NALF1: variants seen among roughly 807,000 people sequenced by gnomAD.
The protein encoded by NALF1 is NALCN channel auxiliary factor 1.
Under a neutral mutation model 48.4 loss-of-function variants are expected in NALF1, and 3 were observed. That is an observed-to-expected ratio of 0.06 (90% CI 0.03 to 0.16). NALF1 has a LOEUF of 0.16. Among genes scored for constraint, NALF1 ranks in the 10% least tolerant of loss-of-function variants. The probability of loss-of-function intolerance (pLI) is 1.00; values close to 1 mark genes in which losing one functional copy is unlikely to be tolerated. For synonymous variants in NALF1, 262 were observed against 245.7 expected (o/e 1.07, Z -0.62); for missense variants, 526 against 571.5 (o/e 0.92, Z 0.81).
At chr13:107,336,427 A>T (rs1310113558) in intron 1 of NALF1, among the ~76,000 whole-genome samples, 1 of 151,980 alleles carries the variant, frequency 6.6e-6, no homozygotes, top group Non-Finnish European at 1.5e-5. Flanking sequence ...GAAAAATTAC[A>T]TTTCAGGAGC....
At chr13:107,613,495 C>G (rs1322142312) in intron 1 of NALF1, among the ~76,000 whole-genome samples, 1 of 152,160 alleles carries the variant, frequency 6.6e-6, no homozygotes, top group Non-Finnish European at 1.5e-5. Flanking sequence ...AACCAATTTA[C>G]TATCAAAATG....
chr13:107,507,264 GTAGGTAACTGAAGGT>G (rs1461828190), intron 1 of NALF1, among the ~76,000 whole-genome samples: 6 of 152,174 alleles, frequency 3.9e-5, no homozygotes, highest in Non-Finnish European at 4.4e-5. Flanking sequence ...CTACAGGTTT[GTAGGTAACTGAAGGT>G]TTTTAACTAT....
intron 1 of NALF1, among the ~76,000 whole-genome samples, chr13:107,737,203 G>A (rs376623457): frequency 4.8e-4 from 73 of 152,244 alleles, no homozygotes; most frequent in South Asian, 3.1e-3. Context: ...ATAATTTCCA[G>A]TATTTTATGA....
chr13:107,358,166 A>G (rs9559017), intron 1 of NALF1, among the ~76,000 whole-genome samples: 29,186 of 121,672 alleles, frequency 0.24, 2,967 homozygotes, highest in East Asian at 0.48. Flanking sequence ...TATACGTAAC[A>G]TATGTGTGTG....
chr13:107,237,907 C>T (rs1880386658), intron 1 of NALF1, among the ~76,000 whole-genome samples: 1 of 152,164 alleles, frequency 6.6e-6, no homozygotes, highest in Non-Finnish European at 1.5e-5. Context: ...TTCCCTATCT[C>T]AGCAGAGAGA....
intron 1 of NALF1, among the ~76,000 whole-genome samples, chr13:107,660,436 AACAC>A (rs201215515): frequency 0.36 from 33,879 of 93,146 alleles, 4,858 homozygotes; most frequent in Non-Finnish European, 0.41. Flanking sequence ...CTGTCTCAAA[AACAC>A]ACACACACAC....
At chr13:107,643,721 T>C (rs752596300) in intron 1 of NALF1, among the ~76,000 whole-genome samples, 50 of 152,226 alleles carry the variant, frequency 3.3e-4, no homozygotes, top group Non-Finnish European at 5.9e-4. Context: ...CATTTTCAAT[T>C]TTGAAAGTGG....
At chr13:107,642,392 G>T (rs932759150) in intron 1 of NALF1, among the ~76,000 whole-genome samples, 3 of 152,116 alleles carry the variant, frequency 2.0e-5, no homozygotes, top group Admixed American at 6.5e-5. Context: ...CCATGCATCT[G>T]GCACTATATA....
At chr13:107,379,394 G>A (rs1883392811) in intron 1 of NALF1, among the ~76,000 whole-genome samples, 1 of 152,100 alleles carries the variant, frequency 6.6e-6, no homozygotes, top group Non-Finnish European at 1.5e-5. Flanking sequence ...CAAAATGCTC[G>A]AGAATTTCTA....
chr13:107,256,422 G>T (rs1357268121), intron 1 of NALF1, among the ~76,000 whole-genome samples: 1 of 152,114 alleles, frequency 6.6e-6, no homozygotes, highest in East Asian at 1.9e-4. Context: ...TGATTTTGTT[G>T]ACCGTCTAAT....
Position 107,168,956 on chromosome 13 carries a change from G to A in NALF1, c.*1541C>T, listed in dbSNP as rs1452040735. ...GTGTAGTTAGAGAATAGGAAGGAAT[G>A]TAAAATTTTTTTTTTAATTATTTGT... On this transcript the variant is annotated 3_prime_UTR_variant, in exon 3 of 3. Transcript: ENST00000375915. 2.7e-5 allele frequency: 2 copies of A among 73,526 alleles called. No individual in the cohort carries two copies. The highest frequency in any genetic ancestry group is 7.3e-5 in the African/African-American group (1 of 13,704). 4.6% of individuals were successfully genotyped at this position (73,526 alleles called of 1,614,324 possible).
At chr13:107,790,113 T>A (rs1265935423) in intron 1 of NALF1, among the ~76,000 whole-genome samples, 1 of 152,184 alleles carries the variant, frequency 6.6e-6, no homozygotes, top group East Asian at 1.9e-4. Flanking sequence ...CTAGAGTGGT[T>A]CAGACATAAT....
At chr13:107,710,941 A>G (rs1875572126) in intron 1 of NALF1, among the ~76,000 whole-genome samples, 1 of 151,858 alleles carries the variant, frequency 6.6e-6, no homozygotes, top group Non-Finnish European at 1.5e-5. Context: ...ATATATACAC[A>G]CATACATTCC....
chr13:107,494,884 T>C (rs1437022376), intron 1 of NALF1, among the ~76,000 whole-genome samples: 1 of 152,148 alleles, frequency 6.6e-6, no homozygotes, highest in Non-Finnish European at 1.5e-5. Context: ...TGGAAATAAT[T>C]TGGGTTTGGG....
rs1878465050 is a variant in NALF1, at chr13:107,586,635, A to ATTTTTTTCTTTTTTTTTTTTTTTTTTT, written c.915+279046_915+279047insAAAAAAAAAAAAAAAAAAAGAAAAAAA. ...CTACATTTAAAGCTCCCCTATGGAG[A>ATTTTTTTCTTTTTTTTTTTTTTTTTTT]TTTTTTTTTTTTTTGCTAGGAATGA... On this transcript the variant is annotated intron_variant, in intron 1 of 2. Coordinates refer to ENST00000375915, the MANE Select transcript of NALF1 (RefSeq NM_001080396.3). Among the ~76,000 whole-genome samples, 2 of 93,122 alleles carry ATTTTTTTCTTTTTTTTTTTTTTTTTTT rather than the reference A, an allele frequency of 2.1e-5. 1 individual carries two copies. The highest frequency in any genetic ancestry group is 4.0e-5 in the Non-Finnish European group (2 of 50,554). 61.1% of individuals were successfully genotyped at this position (93,122 alleles called of 152,430 possible). A position where few individuals can be genotyped will look rare whatever the true frequency, so the allele number is the denominator to read the frequency against.
At chr13:107,494,480 C>T (rs1249002063) in intron 1 of NALF1, among the ~76,000 whole-genome samples, 1 of 152,134 alleles carries the variant, frequency 6.6e-6, no homozygotes, top group African/African-American at 2.4e-5. Flanking sequence ...GTAGATATGG[C>T]ATAGAACGGT....
chr13:107,345,295 C>G (rs964307556), intron 1 of NALF1, among the ~76,000 whole-genome samples: 8 of 151,964 alleles, frequency 5.3e-5, no homozygotes, highest in Non-Finnish European at 1.5e-5. Context: ...TTTACAGAAA[C>G]AGAAAAAAAT....
chr13:107,394,791 T>C (rs935612364), intron 1 of NALF1, among the ~76,000 whole-genome samples: 2 of 152,126 alleles, frequency 1.3e-5, no homozygotes, highest in Non-Finnish European at 1.5e-5. Context: ...ATGGATCATG[T>C]TGAGTGGATG....
chr13:107,840,084 A>G (rs1263077850), intron 1 of NALF1, among the ~76,000 whole-genome samples: 1 of 152,216 alleles, frequency 6.6e-6, no homozygotes, highest in African/African-American at 2.4e-5. Flanking sequence ...CCCTTTAGCA[A>G]TGCCACTGCG....
Sources: allele counts gnomAD v4.1 joint callset (sites outside exome capture counted in the v4.1 genomes callset), GRCh38; gene constraint gnomAD v4.1.1; transcripts MANE v1.5; gene names NCBI Gene and HGNC (gene_info 2026-07-23, HGNC 2026-07-21).